Variants in RUNDC3B observed in about 807,000 individuals in gnomAD.
RUNDC3B encodes RUN domain containing 3B, also known as RUN domain-containing protein 3B.
RUNDC3B carries 33 observed loss-of-function variants against 58.4 expected under a neutral mutation model. The ratio of observed to expected loss-of-function variants is 0.56; its 90% CI spans 0.43 to 0.75. The LOEUF is 0.75. Ranked by LOEUF, RUNDC3B falls within the 30% of genes least tolerant of loss-of-function variation. RUNDC3B has a pLI of 0.00. For synonymous variants in RUNDC3B, 193 were observed against 195.2 expected (o/e 0.99, Z 0.10); for missense variants, 501 against 535.7 (o/e 0.94, Z 0.64).
chr7:87,724,478 T>C (rs901726639), intron 4 of RUNDC3B, among the ~76,000 whole-genome samples: 1 of 152,156 alleles, frequency 6.6e-6, no homozygotes, highest in African/African-American at 2.4e-5. Flanking sequence ...ATGACTAATA[T>C]TTAGTTTTAC....
intron 4 of RUNDC3B, among the ~76,000 whole-genome samples, chr7:87,729,498 G>A (rs2130790716): frequency 6.6e-6 from 1 of 152,268 alleles, no homozygotes; most frequent in Non-Finnish European, 1.5e-5. Flanking sequence ...AAGCAACACA[G>A]GGCATAACTC....
chr7:87,732,568 G>T (rs981768319), intron 4 of RUNDC3B, among the ~76,000 whole-genome samples: 1 of 152,100 alleles, frequency 6.6e-6, no homozygotes, highest in African/African-American at 2.4e-5. Flanking sequence ...AATGCAACGG[G>T]GCTCTCTGTT....
At chr7:87,791,901 T>C (rs1016029070) in intron 8 of RUNDC3B, among the ~76,000 whole-genome samples, 1 of 151,774 alleles carries the variant, frequency 6.6e-6, no homozygotes, top group Admixed American at 6.6e-5. Flanking sequence ...GACTAAACTC[T>C]CCAACGAAAA....
In RUNDC3B at chr7:87,650,842, T is replaced by C. The variant is rs1316044982; in HGVS notation, c.143T>C (p.Ile48Thr). 1.9e-6 allele frequency: 3 copies of C among 1,608,410 alleles called. No individual in the cohort carries two copies. The highest frequency in any genetic ancestry group is 2.6e-6 in the Non-Finnish European group (3 of 1,175,152). Reference sequence around the variant, plus strand: ...CATAGGTTTTCTGTGAAGACCCTGATTGATCGGTCTTGCTTTGAGACAATT... The same window carrying C: ...CATAGGTTTTCTGTGAAGACCCTGACTGATCGGTCTTGCTTTGAGACAATT... ...TVCRFSVKTL[I>T]DRSCFETIDD... Residue 48 changes from isoleucine (I) to threonine (T), a missense_variant, in exon 2 of 11, where the codon ATT becomes ACT. Physicochemically the swap from Ile to Thr is moderately conservative, Grantham distance 89. Transcript: ENST00000394654.
chr7:87,632,120 A>G (rs1398286370), intron 1 of RUNDC3B, among the ~76,000 whole-genome samples: 1 of 152,136 alleles, frequency 6.6e-6, no homozygotes, highest in Non-Finnish European at 1.5e-5. Context: ...ACCAAAAAAA[A>G]AAAAAGTCAC....
At chr7:87,740,739 T>G (rs1003925850) in intron 5 of RUNDC3B, among the ~76,000 whole-genome samples, 5 of 152,214 alleles carry the variant, frequency 3.3e-5, no homozygotes, top group African/African-American at 1.2e-4. Flanking sequence ...TATTAAAATT[T>G]AATAAGCTAG....
Position 87,770,651 on chromosome 7 carries a change from C to T in RUNDC3B, c.700C>T (p.Pro234Ser), listed in dbSNP as rs1028098701. 6.2e-7 allele frequency: 1 copy of T among 1,613,068 alleles called. No homozygotes were observed. The highest frequency in any genetic ancestry group is 8.5e-7 in the Non-Finnish European group (1 of 1,179,300). The stretch of plus-strand genomic sequence containing the variant: ...AAGCAGTGGTAGCGAAAGCAGTACT[C>T]CAGAGAATGTCGGACCTCCTTTCCT... ...LGSSGSESST[P>S]ENVGPPFLMD... The change falls in exon 7 of 11, where the codon CCA (proline) becomes TCA (serine). Residue 234 changes from proline to serine, a missense_variant. Physicochemically the swap from Pro to Ser is moderately conservative, Grantham distance 74. Transcript: ENST00000394654.
intron 4 of RUNDC3B, among the ~76,000 whole-genome samples, chr7:87,726,272 G>C (rs1353188367): frequency 6.6e-6 from 1 of 152,148 alleles, no homozygotes; most frequent in Non-Finnish European, 1.5e-5. Flanking sequence ...TTGTGTATAA[G>C]GTGTAAGGAA....
chr7:87,719,254 G>T (rs1310286142), intron 4 of RUNDC3B, among the ~76,000 whole-genome samples: 1 of 151,622 alleles, frequency 6.6e-6, no homozygotes, highest in East Asian at 1.9e-4. Context: ...TATTAAAATG[G>T]GAAGAAGTCT....
intron 1 of RUNDC3B, among the ~76,000 whole-genome samples, chr7:87,639,009 A>G (rs1271030529): frequency 1.3e-5 from 2 of 152,060 alleles, no homozygotes; most frequent in African/African-American, 2.4e-5. Flanking sequence ...AAAATTAGCC[A>G]GGCGTGATGG....
At chr7:87,771,887 G>A (rs1834306409) in intron 7 of RUNDC3B, among the ~76,000 whole-genome samples, 2 of 152,154 alleles carry the variant, frequency 1.3e-5, no homozygotes. Context: ...GGGTGACATT[G>A]GTACACTGAA....
At chr7:87,725,352 G>C (rs1831159796) in intron 4 of RUNDC3B, among the ~76,000 whole-genome samples, 1 of 152,140 alleles carries the variant, frequency 6.6e-6, no homozygotes, top group South Asian at 2.1e-4. Context: ...TTGGTTTTAT[G>C]TTCTTGTGAT....
rs189318969 is a variant in RUNDC3B at position 87,731,543 on chromosome 7, A to G, written c.459-8248A>G. Among the ~76,000 whole-genome samples, 835 of 152,322 alleles carry G rather than the reference A, an allele frequency of 5.5e-3. 6 individuals are homozygous for G. The highest frequency in any genetic ancestry group is 6.9e-3 in the Non-Finnish European group (469 of 68,028). On this transcript the variant is annotated intron_variant, in intron 4 of 10. Coordinates refer to ENST00000394654, the MANE Select transcript of RUNDC3B (RefSeq NM_001134405.2). ...AGAAACATATTTCAGCTATAAAGACATACATCCACTAAAAATAGAAGGATG... is the reference window on the plus strand; with the variant it reads ...AGAAACATATTTCAGCTATAAAGACGTACATCCACTAAAAATAGAAGGATG...
chr7:87,631,555 T>A (rs1181974967), intron 1 of RUNDC3B, among the ~76,000 whole-genome samples: 1 of 152,156 alleles, frequency 6.6e-6, no homozygotes, highest in Non-Finnish European at 1.5e-5. Flanking sequence ...CACGCCCGGC[T>A]AATTTTTTGT....
chr7:87,707,096 T>C (rs929298781), intron 3 of RUNDC3B, among the ~76,000 whole-genome samples: 1 of 152,196 alleles, frequency 6.6e-6, no homozygotes, highest in African/African-American at 2.4e-5. Context: ...GATTTTCTAG[T>C]ACTCTGACTG....
intron 10 of RUNDC3B, among the ~76,000 whole-genome samples, chr7:87,820,873 T>A (rs942746913): frequency 3.3e-5 from 5 of 152,020 alleles, no homozygotes; most frequent in Non-Finnish European, 5.9e-5. Flanking sequence ...AAATTAGGTA[T>A]TGATGGGACA....
intron 8 of RUNDC3B, among the ~76,000 whole-genome samples, chr7:87,785,512 G>T (rs1471696166): frequency 6.6e-6 from 1 of 152,204 alleles, no homozygotes; most frequent in Non-Finnish European, 1.5e-5. Flanking sequence ...CACCAGCTGT[G>T]CTGGGGAAGC....
At chr7:87,759,598 A>C (rs1040102029) in intron 6 of RUNDC3B, among the ~76,000 whole-genome samples, 1 of 152,026 alleles carries the variant, frequency 6.6e-6, no homozygotes, top group African/African-American at 2.4e-5. Context: ...GGAGTTCAAG[A>C]CCAGCTTGAG....
intron 9 of RUNDC3B, among the ~76,000 whole-genome samples, chr7:87,813,033 T>C (rs1190411613): frequency 1.3e-5 from 2 of 152,244 alleles, no homozygotes; most frequent in African/African-American, 4.8e-5. Context: ...ATAGTGGATT[T>C]GTAGTCATTT....
Sources: gnomAD v4.1 joint callset for allele counts (sites outside exome capture counted in the v4.1 genomes callset) on GRCh38, gnomAD v4.1.1 for gene constraint, MANE v1.5 for transcripts, NCBI Gene and HGNC (gene_info 2026-07-23, HGNC 2026-07-21) for gene names.